The following ZNF385D variants were observed in gnomAD, a reference collection of about 807,000 sequenced individuals.
ZNF385D encodes zinc finger protein 659.
A neutral mutation model predicts 35.8 loss-of-function variants in ZNF385D; 15 were observed. The ratio of observed to expected loss-of-function variants is 0.42; its 90% CI spans 0.28 to 0.64. The LOEUF (loss-of-function observed/expected upper bound fraction) is 0.64, where lower values mean the gene tolerates loss of function less well. Among genes scored for constraint, ZNF385D ranks in the 30% least tolerant of loss-of-function variants. ZNF385D has a pLI of 0.23. For synonymous variants in ZNF385D, 212 were observed against 186.8 expected (o/e 1.13, Z -1.10); for missense variants, 474 against 494.6 (o/e 0.96, Z 0.39).
chr3:22,372,415 C>A, intron 2 of ZNF385D: 1 of 981,444 alleles, frequency 1.0e-6, no homozygotes. Flanking sequence ...ACTCCGCCAC[C>A]TGAACCGAGA....
intron 4 of ZNF385D, among the ~76,000 whole-genome samples, chr3:21,472,366 A>G (rs1413714797): frequency 6.6e-6 from 1 of 152,126 alleles, no homozygotes; most frequent in Non-Finnish European, 1.5e-5. Context: ...GGAGGACTAT[A>G]AAATAAGAGC....
intron 2 of ZNF385D, among the ~76,000 whole-genome samples, chr3:22,372,230 C>A (rs748021003): frequency 5.3e-5 from 8 of 152,174 alleles, no homozygotes; most frequent in Non-Finnish European, 1.0e-4. Context: ...ATCTCTTCTC[C>A]TTGGCACCGA....
At chr3:21,568,835 G>A (rs2063234952) in intron 2 of ZNF385D, among the ~76,000 whole-genome samples, 1 of 152,086 alleles carries the variant, frequency 6.6e-6, no homozygotes, top group South Asian at 2.1e-4. Flanking sequence ...CAATACATTA[G>A]TAGACACCAA....
Position 22,297,265 on chromosome 3 carries a change from T to C in ZNF385D, c.106+75185A>G, listed in dbSNP as rs139741944. Among the ~76,000 whole-genome samples, 215 of 152,114 alleles carry C rather than the reference T, an allele frequency of 1.4e-3. 1 individual carries two copies. The highest frequency in any genetic ancestry group is 4.9e-3 in the African/African-American group (203 of 41,514). ...TCCCCCCAATAGGACCTATCATACA[T>C]ATGTCTGAACACCCCAAATGACATA... On this transcript the variant is annotated intron_variant, in intron 2 of 5. Transcript: ENST00000494108.
At chr3:21,583,967 T>TTTATTTAG (rs1559431628) in intron 2 of ZNF385D, among the ~76,000 whole-genome samples, 2 of 103,074 alleles carry the variant, frequency 1.9e-5, no homozygotes, top group African/African-American at 8.7e-5. Flanking sequence ...TACTTATTTA[T>TTTATTTAG]TTATTTATTT....
intron 3 of ZNF385D, among the ~76,000 whole-genome samples, chr3:21,889,139 A>G (rs1185538597): frequency 6.6e-6 from 1 of 152,240 alleles, no homozygotes; most frequent in East Asian, 1.9e-4. Context: ...GAAATAGACA[A>G]CAGAGAAGCA....
chr3:21,553,690 G>T (rs776853163), intron 3 of ZNF385D, among the ~76,000 whole-genome samples: 9 of 152,054 alleles, frequency 5.9e-5, no homozygotes, highest in Non-Finnish European at 1.3e-4. Flanking sequence ...TTCAAAATTG[G>T]GGTCAATCCT....
In ZNF385D at chr3:22,370,997, C is replaced by G. The variant is rs572208305; in HGVS notation, c.106+1453G>C. ...TAACTCAAGATGTTTGCCCATTCCC[C>G]TAGTCTACATTTTAGCTCCATGAAG... On this transcript the variant is annotated intron_variant, in intron 2 of 5. Coordinates refer to the ZNF385D transcript ENST00000494108. 2.6e-5 allele frequency among the ~76,000 whole-genome samples: 4 copies of G among 152,278 alleles called. No homozygotes were observed. The East Asian group carries it at 7.7e-4, about 29-fold the overall frequency.
chr3:22,258,962 T>C (rs762677030), intron 2 of ZNF385D, among the ~76,000 whole-genome samples: 1 of 151,812 alleles, frequency 6.6e-6, no homozygotes, highest in Non-Finnish European at 1.5e-5. Flanking sequence ...GAAGGAGCTT[T>C]TGAAATCTTT....
chr3:21,806,753 T>C (rs1365017418), intron 3 of ZNF385D, among the ~76,000 whole-genome samples: 1 of 152,208 alleles, frequency 6.6e-6, no homozygotes, highest in Non-Finnish European at 1.5e-5. Flanking sequence ...CAAACTACCC[T>C]AGTCAGAAAA....
intron 3 of ZNF385D, among the ~76,000 whole-genome samples, chr3:22,026,836 T>G (rs962369694): frequency 6.6e-6 from 1 of 152,162 alleles, no homozygotes; most frequent in Non-Finnish European, 1.5e-5. Context: ...GGGTGGTGAT[T>G]CCCACCACGT....
chr3:21,593,364 C>T (rs62236138), intron 2 of ZNF385D, among the ~76,000 whole-genome samples: 18,654 of 151,948 alleles, frequency 0.12, 1,244 homozygotes, highest in East Asian at 0.25. Context: ...TTTTTCTTTC[C>T]GTCTTTACCC....
intron 3 of ZNF385D, among the ~76,000 whole-genome samples, chr3:22,098,785 C>T (rs1347532034): frequency 6.6e-6 from 1 of 151,158 alleles, no homozygotes; most frequent in Non-Finnish European, 1.5e-5. Flanking sequence ...TTTAAAGTAG[C>T]AAATAAATAA....
intron 2 of ZNF385D, among the ~76,000 whole-genome samples, chr3:22,194,564 A>G (rs1696277832): frequency 6.6e-6 from 1 of 151,958 alleles, no homozygotes. Context: ...GTAAAATTCC[A>G]TAAATTTTAA....
chr3:22,030,239 T>C (rs1406830609), intron 3 of ZNF385D, among the ~76,000 whole-genome samples: 1 of 102,016 alleles, frequency 9.8e-6, no homozygotes, highest in Non-Finnish European at 1.8e-5. Flanking sequence ...TGCAAGTTAA[T>C]ACTTAATAAA....
intron 3 of ZNF385D, among the ~76,000 whole-genome samples, chr3:22,036,159 G>T (rs543646935): frequency 1.1e-4 from 17 of 152,128 alleles, no homozygotes; most frequent in Non-Finnish European, 2.5e-4. Context: ...AACAGTAGAA[G>T]TTATATCAAT....
chr3:22,017,008 T>A (rs1449582115), intron 3 of ZNF385D, among the ~76,000 whole-genome samples: 1 of 151,896 alleles, frequency 6.6e-6, no homozygotes, highest in South Asian at 2.1e-4. Context: ...ATTGGAATAA[T>A]AGTTTCTAAT....
rs1220238587 is a variant in ZNF385D, at chr3:21,539,300, T to C, written c.276+25274A>G. Among the ~76,000 whole-genome samples, 3 of 152,188 alleles carry C rather than the reference T, an allele frequency of 2.0e-5. No individual in the cohort carries two copies. The highest frequency in any genetic ancestry group is 4.4e-5 in the Non-Finnish European group (3 of 68,018). On this transcript the variant is annotated intron_variant, in intron 3 of 7. Coordinates refer to ENST00000281523, the MANE Select transcript of ZNF385D (RefSeq NM_024697.3). The surrounding 1 kb of genome is among the most constrained non-coding windows in gnomAD (Gnocchi z 4.0). ...TCTACATAGATCACTTTCTCATTAA[T>C]TGATGCCATTTTGCCCTGGTTTTGT...
At chr3:22,147,794 A>G (rs1358072513) in intron 3 of ZNF385D, among the ~76,000 whole-genome samples, 1 of 152,098 alleles carries the variant, frequency 6.6e-6, no homozygotes, top group Non-Finnish European at 1.5e-5. Context: ...ATTGTCCCTA[A>G]TTTTGCATTG....
Sources: gnomAD v4.1 joint callset for allele counts (sites outside exome capture counted in the v4.1 genomes callset) on GRCh38, gnomAD v4.1.1 for gene constraint, Gnocchi (gnomAD v3.1) non-coding constraint, MANE v1.5 for transcripts, NCBI Gene and HGNC (gene_info 2026-07-23, HGNC 2026-07-21) for gene names.